Variants in HMCN2 observed in about 807,000 individuals in gnomAD.
The protein encoded by HMCN2 is hemicentin 2.
A neutral mutation model predicts 377.5 loss-of-function variants in HMCN2; 325 were observed. The ratio of observed to expected loss-of-function variants is 0.86; its 90% CI spans 0.79 to 0.94. The LOEUF is 0.94. Ranked by LOEUF, HMCN2 falls within the 40% of genes least tolerant of loss-of-function variation. The pLI is 0.00. For missense variants in HMCN2, 4,543 were observed against 4,725.3 expected, an observed-to-expected ratio of 0.96 and a Z score of 1.13; for synonymous variants, 2,007 against 2,046.8, an observed-to-expected ratio of 0.98 and a Z score of 0.53.
chr9:130,357,833 G>C lies in HMCN2; in HGVS notation c.5426-1G>C. 7.7e-7 allele frequency: 1 copy of C among 1,302,018 alleles called. No individual in the cohort carries two copies. The highest frequency in any genetic ancestry group is 1.0e-6 in the Non-Finnish European group (1 of 987,532). The allele number at this position is 1,302,018 out of a possible 1,614,324, so 80.7% of individuals were successfully genotyped here. A position where few individuals can be genotyped will look rare whatever the true frequency, so the allele number is the denominator to read the frequency against. ...CTCTTCCTGACTCTTTCCCTTCCCAGAGTTCCCATCGGTCAGTATCATTGG... is the reference window on the plus strand; with the variant it reads ...CTCTTCCTGACTCTTTCCCTTCCCACAGTTCCCATCGGTCAGTATCATTGG... On this transcript the variant is annotated splice_acceptor_variant, in intron 34 of 97. Coordinates refer to ENST00000683500, the MANE Select transcript of HMCN2 (RefSeq NM_001291815.2). LOFTEE classifies it high-confidence loss of function.
intron 13 of HMCN2, 28 bp from the exon 14 acceptor site, chr9:130,307,425 C>T (rs557909592): frequency 1.3e-5 from 6 of 470,366 alleles, no homozygotes; most frequent in Non-Finnish European, 2.6e-5. Flanking sequence ...AAGGTTGGTC[C>T]CAAATTCTGC....
intron 27 of HMCN2, 106 bp downstream of exon 27, chr9:130,348,781 A>T: frequency 7.9e-7 from 1 of 1,258,894 alleles, no homozygotes; most frequent in African/African-American, 1.5e-5. Flanking sequence ...GGGAGATGTG[A>T]CAGGTGTCTT....
At chr9:130,404,821 GCCGC>G in intron 80 of HMCN2, 44 bp from the exon 81 acceptor site, 3 of 1,174,562 alleles carry the variant, frequency 2.6e-6, no homozygotes, top group Admixed American at 3.2e-5. Flanking sequence ...GATGGTGTCA[GCCGC>G]CTCCCTGAGC....
chr9:130,427,539 C>A lies in HMCN2; in HGVS notation c.13985C>A (p.Ala4662Asp). Reference protein sequence around the residue: ...CSGGPSPCSHACLNAPGRFSC... With the variant: ...CSGGPSPCSHDCLNAPGRFSC... ...GGAGGCCCTAGCCCCTGCTCCCATGCCTGCCTTAATGCACCCGGCCGCTTC... is the reference window on the plus strand; with the variant it reads ...GGAGGCCCTAGCCCCTGCTCCCATGACTGCCTTAATGCACCCGGCCGCTTC... The change falls in exon 92 of 98, where the codon GCC (alanine) becomes GAC (aspartate). Residue 4662 changes from alanine (A) to aspartate (D), a missense_variant. Around this residue, in one of 5 missense-constraint regions of HMCN2, gnomAD observed 1,155 missense variants for 1,157.7 expected, o/e 1.00. Coordinates refer to ENST00000683500, the MANE Select transcript of HMCN2 (RefSeq NM_001291815.2). 6.4e-7 allele frequency: 1 copy of A among 1,550,548 alleles called. No individual in the cohort carries two copies.
chr9:130,433,824 G>A lies in HMCN2; in HGVS notation c.*131G>A. ...CCGCCCCGTGCGTCAGCGAGACCTT[G>A]GGTCAACACGACCCTGCGCACAGCC... On this transcript the variant is annotated 3_prime_UTR_variant, in exon 98 of 98. Coordinates refer to ENST00000683500, the MANE Select transcript of HMCN2 (RefSeq NM_001291815.2). 4 of 749,280 alleles carry A rather than the reference G, an allele frequency of 5.3e-6. No homozygotes were observed. Among genetic ancestry groups the A allele is most frequent in the Non-Finnish European group, 8.0e-6 (4 of 501,154 alleles). The allele number at this position is 749,280 out of a possible 1,614,324, so 46.4% of individuals were successfully genotyped here. A position where few individuals can be genotyped will look rare whatever the true frequency, so the allele number is the denominator to read the frequency against.
At chr9:130,402,581 G>A (rs1842903155) in intron 77 of HMCN2, among the ~76,000 whole-genome samples, 1 of 152,194 alleles carries the variant, frequency 6.6e-6, no homozygotes, top group Non-Finnish European at 1.5e-5. Context: ...AGAGTGGAAG[G>A]AACTCGCCCA....
chr9:130,319,005 G>A (rs1293657839), intron 15 of HMCN2, among the ~76,000 whole-genome samples: 3 of 152,138 alleles, frequency 2.0e-5, no homozygotes, highest in Non-Finnish European at 2.9e-5. Flanking sequence ...AAGTGGGCCT[G>A]GCTTAGGCCA....
At chr9:130,328,150 C>T (rs1838245803) in intron 22 of HMCN2, among the ~76,000 whole-genome samples, 1 of 152,230 alleles carries the variant, frequency 6.6e-6, no homozygotes, top group African/African-American at 2.4e-5. Context: ...ACCCCCGCCC[C>T]CACCATGTGT....
intron 22 of HMCN2, among the ~76,000 whole-genome samples, chr9:130,332,184 G>C (rs1042655368): frequency 6.6e-6 from 1 of 152,238 alleles, no homozygotes; most frequent in Non-Finnish European, 1.5e-5. Flanking sequence ...TTGGTTTCTG[G>C]TCTGGTGGCT....
At chr9:130,398,153 CAAAAAAAAAAAAAA>C (rs397940740) in intron 74 of HMCN2, among the ~76,000 whole-genome samples, 1 of 33,940 alleles carries the variant, frequency 2.9e-5, no homozygotes, top group Non-Finnish European at 5.5e-5. Flanking sequence ...ACTCCGTCTA[CAAAAAAAAAAAAAA>C]AAAAAAAAAA....
In HMCN2 at chr9:130,272,760, AT is replaced by A. The variant is rs1434363353; in HGVS notation, c.259+6625del. On this transcript the variant is annotated intron_variant, in intron 1 of 97. Transcript: ENST00000683500. ...TTTGGTAGAGACAGGGTCTTGCCATATTGCCCAGGTTGGTCTTGAACTCCTG... is the reference window on the plus strand; with the variant it reads ...TTTGGTAGAGACAGGGTCTTGCCATATGCCCAGGTTGGTCTTGAACTCCTG... 6.6e-5 allele frequency among the ~76,000 whole-genome samples: 10 copies of A among 150,816 alleles called. No homozygotes were observed. In the Middle Eastern group the frequency reaches 0.011, roughly 162 times the overall value.
rs896373374 is a variant in HMCN2, at chr9:130,378,206, T to C, written c.8212+407T>C. On this transcript the variant is annotated intron_variant, in intron 53 of 97. Coordinates refer to ENST00000683500, the MANE Select transcript of HMCN2 (RefSeq NM_001291815.2). ...GGGTACCTGGGGCTCATTATATTCT[T>C]CTCTTGCTTGCGTCAGTGTTTGACG... Among the ~76,000 whole-genome samples, 7 of 151,318 alleles carry C rather than the reference T, an allele frequency of 4.6e-5. No individual in the cohort carries two copies. In the East Asian group the frequency reaches 1.4e-3, roughly 29 times the overall value.
Position 130,357,943 on chromosome 9 carries a change from G to C in HMCN2, c.5535G>C (p.Trp1845Cys), listed in dbSNP as rs778739284. The change falls in exon 35 of 98, where the codon TGG becomes TGC. Residue 1845 changes from tryptophan (W) to cysteine (C), a missense_variant. By Grantham distance (215) the Trp-to-Cys change is radical. This residue lies in a region of HMCN2 where 1,032 missense variants were observed against 1,285.1 expected (regional missense o/e 0.80). Coordinates refer to ENST00000683500, the MANE Select transcript of HMCN2 (RefSeq NM_001291815.2). ...GGGTGCCCACCCCAAGCCTCCGTTG[G>C]TGGAAGGATGGTGTAGCCCTGGCAG... ...GDGVPTPSLRWWKDGVALAAF... is the reference protein window; with the variant it reads ...GDGVPTPSLRCWKDGVALAAF... 20 of 1,304,096 alleles carry C rather than the reference G, an allele frequency of 1.5e-5. No homozygotes were observed. Among genetic ancestry groups the C allele is most frequent in the Non-Finnish European group, 1.8e-5 (18 of 988,924 alleles). 80.8% of individuals were successfully genotyped at this position (1,304,096 alleles called of 1,614,324 possible). A position where few individuals can be genotyped will look rare whatever the true frequency, so the allele number is the denominator to read the frequency against.
chr9:130,310,297 C>T (rs1837171655), intron 15 of HMCN2, among the ~76,000 whole-genome samples: 1 of 152,240 alleles, frequency 6.6e-6, no homozygotes, highest in Admixed American at 6.5e-5. Context: ...ATTTATTTCA[C>T]AGTCTGAGGA....
At chr9:130,385,862 G>C in intron 60 of HMCN2, 100 bp downstream of exon 60, 2 of 797,126 alleles carry the variant, frequency 2.5e-6, no homozygotes, top group Non-Finnish European at 3.6e-6. Flanking sequence ...GATGTGAGTT[G>C]CTGCCTCCTT....
chr9:130,329,601 C>A (rs1487115009), intron 22 of HMCN2, among the ~76,000 whole-genome samples: 1 of 152,120 alleles, frequency 6.6e-6, no homozygotes, highest in Non-Finnish European at 1.5e-5. Flanking sequence ...TGCCATCATG[C>A]CCAGCTAATT....
In HMCN2 at chr9:130,303,913, T is replaced by G. The variant is rs1554935542; in HGVS notation, c.1543+305T>G. ...TCAGGGGCCGCCATCCATCTCGTGGTCGGGACAACCTTCGTGCCTCCAAGT... is the reference window on the plus strand; with the variant it reads ...TCAGGGGCCGCCATCCATCTCGTGGGCGGGACAACCTTCGTGCCTCCAAGT... On this transcript the variant is annotated intron_variant, in intron 10 of 97. Coordinates refer to ENST00000683500, the MANE Select transcript of HMCN2 (RefSeq NM_001291815.2). This position sits in a 1 kb window ranked among gnomAD's most constrained non-coding sequence, Gnocchi z 5.2. Among the ~76,000 whole-genome samples, 1 of 152,162 alleles carries G rather than the reference T, an allele frequency of 6.6e-6. No homozygotes were observed. The highest frequency in any genetic ancestry group is 1.5e-5 in the Non-Finnish European group (1 of 68,026).
intron 22 of HMCN2, among the ~76,000 whole-genome samples, chr9:130,333,966 G>A (rs1216716549): frequency 2.6e-5 from 4 of 152,218 alleles, no homozygotes; most frequent in Non-Finnish European, 2.9e-5. Flanking sequence ...GTGGTGACAA[G>A]CCAGTGTGGT....
chr9:130,311,029 G>A (rs1162897657), intron 15 of HMCN2, among the ~76,000 whole-genome samples: 1 of 152,188 alleles, frequency 6.6e-6, no homozygotes. Flanking sequence ...GCCAGTGCAT[G>A]GCCTCAGCTG....
Sources: allele counts gnomAD v4.1 joint callset (sites outside exome capture counted in the v4.1 genomes callset), GRCh38; gene constraint gnomAD v4.1.1; regional missense constraint gnomAD v4.1.1; non-coding constraint Gnocchi (gnomAD v3.1); transcripts MANE v1.5; gene names NCBI Gene and HGNC (gene_info 2026-07-23, HGNC 2026-07-21).